The following PDCL variants were observed in gnomAD, a reference collection of about 807,000 sequenced individuals.
PDCL encodes the protein phosducin like.
A neutral mutation model predicts 26.7 loss-of-function variants in PDCL; 11 were observed. The ratio of observed to expected loss-of-function variants is 0.41; its 90% confidence interval spans 0.26 to 0.68. The LOEUF is 0.68. PDCL is among the 30% of genes least tolerant of loss of function. The pLI is 0.30. For synonymous variants in PDCL, 118 were observed against 134.9 expected, an observed-to-expected ratio of 0.87 and a Z score of 0.87; for missense variants, 330 against 371.6, an observed-to-expected ratio of 0.89 and a Z score of 0.92.
At chr9:122,820,971 CTGGGAGACAGGGTGAT>C (rs775646664) in intron 3 of PDCL, among the ~76,000 whole-genome samples, 10 of 151,626 alleles carry the variant, frequency 6.6e-5, no homozygotes, top group Non-Finnish European at 1.5e-4. Context: ...GCACTCCAGC[CTGGGAGACAGGGTGAT>C]ACCCTGTCTC....
Position 122,824,768 on chromosome 9 carries a change from G to T in PDCL, c.173-1571C>A, listed in dbSNP as rs79206087. 1.2e-3 allele frequency among the ~76,000 whole-genome samples: 183 copies of T among 152,238 alleles called. 3 individuals are homozygous for T. The East Asian group carries it at 0.034, about 28-fold the overall frequency. On this transcript the variant is annotated intron_variant, in intron 2 of 3. Coordinates refer to ENST00000259467, the MANE Select transcript of PDCL (RefSeq NM_005388.5). Reference sequence around the variant, plus strand: ...TAATGCATTCCCAATGAAAATACATGAACACACATATGTGTCCGGCTCCTA... The same window carrying T: ...TAATGCATTCCCAATGAAAATACATTAACACACATATGTGTCCGGCTCCTA...
At position 122,826,611 on chromosome 9, in the gene PDCL, A is replaced by G. The variant is rs780457742; in HGVS notation, c.172+5T>C. 1.9e-6 allele frequency: 3 copies of G among 1,612,318 alleles called. No homozygotes were observed. Among genetic ancestry groups the G allele is most frequent in the South Asian group, 2.2e-5 (2 of 90,798 alleles). On this transcript the variant is annotated splice_donor_5th_base_variant and intron_variant, in intron 2 of 3. Transcript: ENST00000259467. ...CTGTTCCCAGAGCCCAGGGTTTCTC[A>G]GTACCTGTGTTAACTGAGATGCCTT...
rs751472188 is a variant in PDCL at position 122,826,586 on chromosome 9, C to T, written c.172+30G>A. The T allele has an allele frequency of 1.9e-6, 3 of 1,582,484 alleles. No individual in the cohort carries two copies. In the African/African-American group the frequency reaches 4.1e-5, roughly 21 times the overall value. ...TGTATTTAATGTACATTTTTTAAGC[C>T]TGTTCCCAGAGCCCAGGGTTTCTCA... On this transcript the variant is annotated intron_variant, in intron 2 of 3. Transcript: ENST00000259467.
chr9:122,828,233 C>T (rs1346510476), intron 1 of PDCL, among the ~76,000 whole-genome samples: 1 of 151,608 alleles, frequency 6.6e-6, no homozygotes, highest in Non-Finnish European at 1.5e-5. Context: ...CCTGGAGACG[C>T]GAGCAGAGGA....
Position 122,826,597 on chromosome 9 carries a change from G to A in PDCL, c.172+19C>T, listed in dbSNP as rs376934089. ...TACATTTTTTAAGCCTGTTCCCAGA[G>A]CCCAGGGTTTCTCAGTACCTGTGTT... On this transcript the variant is annotated intron_variant, in intron 2 of 3. Coordinates refer to ENST00000259467, the MANE Select transcript of PDCL (RefSeq NM_005388.5). 63 of 1,607,002 alleles carry A rather than the reference G, an allele frequency of 3.9e-5. No homozygotes were observed. The highest frequency in any genetic ancestry group is 5.4e-5 in the Non-Finnish European group (63 of 1,175,998).
At position 122,823,093 on chromosome 9, in the gene PDCL, T is replaced by C. The variant is rs746814945; in HGVS notation, c.277A>G (p.Met93Val). 12 of 1,614,106 alleles carry C rather than the reference T, an allele frequency of 7.4e-6. No homozygotes were observed. Among genetic ancestry groups the C allele is most frequent in the African/African-American group, 5.3e-5 (4 of 74,936 alleles). Reference sequence around the variant, plus strand: ...TCATCCAGATGGGACCTGCAAGTCATTGACAGCTTCTTGATCAGCCTTTCC... The same window carrying C: ...TCATCCAGATGGGACCTGCAAGTCACTGACAGCTTCTTGATCAGCCTTTCC... ...EMERLIKKLS[M>V]TCRSHLDEEE... Residue 93 changes from methionine to valine, a missense_variant, in exon 3 of 4, where the codon ATG becomes GTG. Physicochemically the swap from Met to Val is conservative, Grantham distance 21 (BLOSUM62 1). Transcript: ENST00000259467.
Position 122,828,482 on chromosome 9 carries a change from C to T in PDCL, c.-17G>A, listed in dbSNP as rs1158158893. ...CCCAATGCAGTTACCTGCCCTAGCTCGCTCCGGATCCCTTTGGGCCAGCAG... is the reference window on the plus strand; with the variant it reads ...CCCAATGCAGTTACCTGCCCTAGCTTGCTCCGGATCCCTTTGGGCCAGCAG... On this transcript the variant is annotated 5_prime_UTR_variant, in exon 1 of 4. Coordinates refer to ENST00000259467, the MANE Select transcript of PDCL (RefSeq NM_005388.5). 1 of 152,336 alleles carries T rather than the reference C, an allele frequency of 6.6e-6. No individual in the cohort carries two copies. Among genetic ancestry groups the T allele is most frequent in the Non-Finnish European group, 1.5e-5 (1 of 68,160 alleles). 9.4% of individuals were successfully genotyped at this position (152,336 alleles called of 1,614,324 possible).
chr9:122,820,685 T>C (rs372471705), intron 3 of PDCL, 49 bp from the exon 4 acceptor site: 1 of 1,503,534 alleles, frequency 6.7e-7, no homozygotes, highest in Non-Finnish European at 9.0e-7. Flanking sequence ...TGAACACTCG[T>C]GATAACAGTT....
At position 122,818,936 on chromosome 9, in the gene PDCL, CTTTTT is replaced by C. The variant is rs1332598420; in HGVS notation, c.*1144_*1148del. 4 of 151,970 alleles carry C rather than the reference CTTTTT, an allele frequency of 2.6e-5. No individual in the cohort carries two copies. In the East Asian group the frequency reaches 7.7e-4, roughly 29 times the overall value. 9.4% of individuals were successfully genotyped at this position (151,970 alleles called of 1,614,324 possible). A position where few individuals can be genotyped will look rare whatever the true frequency, so the allele number is the denominator to read the frequency against. ...TTTAAAAAAAGTATTTGCTATCTTT[CTTTTT>C]AAGAGACAACCATCAAGCAAATTAT... On this transcript the variant is annotated 3_prime_UTR_variant, in exon 4 of 4. Transcript: ENST00000259467.
intron 2 of PDCL, among the ~76,000 whole-genome samples, chr9:122,825,821 G>T (rs144159634): frequency 1.3e-5 from 2 of 152,144 alleles, no homozygotes; most frequent in Non-Finnish European, 2.9e-5. Flanking sequence ...CCTATGGGAC[G>T]CTGAGGCAGA....
Position 122,823,029 on chromosome 9 carries a change from T to C in PDCL, c.341A>G (p.Lys114Arg). Residue 114 changes from lysine (K) to arginine (R), a missense_variant, in exon 3 of 4, where the codon AAG (lysine) becomes AGG (arginine). Lys to Arg is a conservative substitution (Grantham distance 26, BLOSUM62 2). Transcript: ENST00000259467. ...EQQKQKDLQE[K>R]ISGKMTLKEF... Reference sequence around the variant, plus strand: ...ACTGCTAATTACCTTCCCACTGATCTTCTCCTGGAGGTCTTTCTGTTTCTG... The same window carrying C: ...ACTGCTAATTACCTTCCCACTGATCCTCTCCTGGAGGTCTTTCTGTTTCTG... 1 of 1,614,148 alleles carries C rather than the reference T, an allele frequency of 6.2e-7. No homozygotes were observed. Among genetic ancestry groups the C allele is most frequent in the Non-Finnish European group, 8.5e-7 (1 of 1,179,984 alleles).
At chr9:122,821,890 T>A (rs1829558113) in intron 3 of PDCL, among the ~76,000 whole-genome samples, 1 of 152,084 alleles carries the variant, frequency 6.6e-6, no homozygotes, top group Admixed American at 6.6e-5. Flanking sequence ...TTGCATAGAT[T>A]AGGGAACAGG....
intron 3 of PDCL, among the ~76,000 whole-genome samples, chr9:122,821,226 C>T (rs1829551155): frequency 6.6e-6 from 1 of 152,110 alleles, no homozygotes; most frequent in Non-Finnish European, 1.5e-5. Context: ...TTTAAAAACC[C>T]ATGTTTTTAA....
intron 2 of PDCL, among the ~76,000 whole-genome samples, chr9:122,824,681 T>C (rs1415516187): frequency 2.0e-5 from 3 of 152,238 alleles, no homozygotes; most frequent in Admixed American, 6.5e-5. Flanking sequence ...AATACCATGT[T>C]CCTGAACAGA....
Position 122,820,048 on chromosome 9 carries a change from C to A in PDCL, c.*37G>T, listed in dbSNP as rs757651902. 4.0e-6 allele frequency: 6 copies of A among 1,518,414 alleles called. No homozygotes were observed. The highest frequency in any genetic ancestry group is 5.3e-6 in the Non-Finnish European group (6 of 1,127,850). 94.1% of individuals were successfully genotyped at this position (1,518,414 alleles called of 1,614,324 possible). ...AATAAACAATGACGTGTATTCCAAC[C>A]CAAACAATGAGAAATCTATGCAACT... On this transcript the variant is annotated 3_prime_UTR_variant, in exon 4 of 4. Coordinates refer to ENST00000259467, the MANE Select transcript of PDCL (RefSeq NM_005388.5).
rs1438386301 is a variant in PDCL at position 122,819,518 on chromosome 9, T to C, written c.*567A>G. The C allele has an allele frequency of 2.0e-5, 3 of 152,144 alleles. No individual in the cohort carries two copies. Among genetic ancestry groups the C allele is most frequent in the African/African-American group, 7.3e-5 (3 of 41,376 alleles). 9.4% of individuals were successfully genotyped at this position (152,144 alleles called of 1,614,324 possible). Reference sequence around the variant, plus strand: ...ACCCTTCCTGCTGTTCCAGACTTAGTCATGCTGGAGGAAGACATGAAATCC... The same window carrying C: ...ACCCTTCCTGCTGTTCCAGACTTAGCCATGCTGGAGGAAGACATGAAATCC... On this transcript the variant is annotated 3_prime_UTR_variant, in exon 4 of 4. Coordinates refer to ENST00000259467, the MANE Select transcript of PDCL (RefSeq NM_005388.5).
intron 3 of PDCL, among the ~76,000 whole-genome samples, chr9:122,822,100 G>A (rs570742345): frequency 6.6e-6 from 1 of 152,256 alleles, no homozygotes; most frequent in African/African-American, 2.4e-5. Context: ...TCCTGGTCAA[G>A]GTGAATGATT....
chr9:122,826,875 TGAGA>T, intron 1 of PDCL, 83 bp from the exon 2 acceptor site: 1 of 1,277,002 alleles, frequency 7.8e-7, no homozygotes, highest in Non-Finnish European at 1.1e-6. Context: ...TCGCCTGTGC[TGAGA>T]TCCTACAATT....
chr9:122,826,426 C>T (rs986691810), intron 2 of PDCL, among the ~76,000 whole-genome samples, 190 bp downstream of exon 2: 1 of 152,172 alleles, frequency 6.6e-6, no homozygotes, highest in African/African-American at 2.4e-5. Flanking sequence ...TACCATGCTG[C>T]TATGCACATA....
Sources: gnomAD v4.1 joint callset for allele counts (sites outside exome capture counted in the v4.1 genomes callset) on GRCh38, gnomAD v4.1.1 for gene constraint, MANE v1.5 for transcripts, NCBI Gene and HGNC (gene_info 2026-07-23, HGNC 2026-07-21) for gene names.